Variants in KANK1 observed in about 807,000 individuals in gnomAD.
The protein encoded by KANK1 is KN motif and ankyrin repeat domains 1, also known as KN motif and ankyrin repeat domain-containing protein 1.
A neutral mutation model predicts 106.2 loss-of-function variants in KANK1; 109 were observed. The observed-to-expected ratio is 1.03, with a 90% CI of 0.88 to 1.20. The LOEUF is 1.20. KANK1 is among the 50% of genes most tolerant of loss of function. The pLI is 0.00. For missense variants in KANK1, 2,399 were observed against 1,710.7 expected, an observed-to-expected ratio of 1.40 and a Z score of -7.10; for synonymous variants, 873 against 652.2, an observed-to-expected ratio of 1.34 and a Z score of -5.16.
chr9:630,745 T>C (rs776950117), intron 1 of KANK1, among the ~76,000 whole-genome samples: 3 of 151,136 alleles, frequency 2.0e-5, no homozygotes, highest in Non-Finnish European at 2.9e-5. Context: ...CTACTAAAAA[T>C]ACAAAAATTT....
At chr9:703,197 G>C (rs1823127934) in intron 2 of KANK1, among the ~76,000 whole-genome samples, 1 of 151,816 alleles carries the variant, frequency 6.6e-6, no homozygotes, top group Admixed American at 6.6e-5. Flanking sequence ...TCACCATGTT[G>C]GCCAGGCTGG....
In KANK1 at chr9:573,334, A is replaced by G. The variant is rs533773842; in HGVS notation, c.-84+68580A>G. Among the ~76,000 whole-genome samples, 338 of 152,222 alleles carry G rather than the reference A, an allele frequency of 2.2e-3. 2 individuals are homozygous for G. The highest frequency in any genetic ancestry group is 3.4e-3 in the Non-Finnish European group (230 of 68,006). ...ACCCAGGCTGGAGTGCAGTGGCGCA[A>G]TCTTGGCTCACTGCAAGCTCCACCT... is the stretch of plus-strand genomic sequence containing the variant. On this transcript the variant is annotated intron_variant, in intron 1 of 11. Transcript: ENST00000382297.
intron 1 of KANK1, among the ~76,000 whole-genome samples, chr9:567,440 C>G (rs936966894): frequency 1.3e-5 from 2 of 152,300 alleles, no homozygotes; most frequent in African/African-American, 4.8e-5. Context: ...TAAAGTTAAA[C>G]TATAAACTAA....
rs1217866585 is a variant in KANK1, at chr9:567,961, G to GA, written c.-84+63208dup. ...GACAAAACTTACAGTCTTCCAAAGA[G>GA]AGAGTGCCAAAGTTCAACGCTTGGC... On this transcript the variant is annotated intron_variant, in intron 1 of 11. Coordinates refer to ENST00000382297, the MANE Select transcript of KANK1 (RefSeq NM_015158.5). 3.3e-5 allele frequency among the ~76,000 whole-genome samples: 5 copies of GA among 152,040 alleles called. No individual in the cohort carries two copies. The East Asian group carries it at 9.7e-4, about 29-fold the overall frequency.
At chr9:604,664 C>G (rs932521897) in intron 1 of KANK1, among the ~76,000 whole-genome samples, 1 of 151,692 alleles carries the variant, frequency 6.6e-6, no homozygotes, top group African/African-American at 2.4e-5. Flanking sequence ...AAACCTGTCT[C>G]TACTGAAAAA....
At chr9:493,690 G>A (rs890743607) in intron 3 of KANK1, among the ~76,000 whole-genome samples, 2 of 150,368 alleles carry the variant, frequency 1.3e-5, no homozygotes, top group African/African-American at 4.9e-5. Flanking sequence ...TGGGATTACA[G>A]CTACACACCA....
chr9:728,326 T>C (rs1255164233), intron 3 of KANK1, among the ~76,000 whole-genome samples: 2 of 152,092 alleles, frequency 1.3e-5, no homozygotes, highest in African/African-American at 4.8e-5. Context: ...GCCTCCCAAG[T>C]AGCTGGGACT....
At chr9:527,829 A>G (rs2059864147) in intron 1 of KANK1, among the ~76,000 whole-genome samples, 1 of 151,054 alleles carries the variant, frequency 6.6e-6, no homozygotes, top group Admixed American at 6.6e-5. Context: ...AAAAAAAAAA[A>G]TAGAGTTTCC....
chr9:736,308 A>T (rs1307497981), intron 7 of KANK1, among the ~76,000 whole-genome samples: 2 of 152,088 alleles, frequency 1.3e-5, no homozygotes, highest in Non-Finnish European at 1.5e-5. Context: ...GTTATACTGT[A>T]TTGTTTTGTA....
At chr9:679,987 G>T (rs1045849150) in intron 2 of KANK1, among the ~76,000 whole-genome samples, 21 of 152,166 alleles carry the variant, frequency 1.4e-4, no homozygotes, top group African/African-American at 5.1e-4. Context: ...ATAACATTTA[G>T]AGAACCTAGA....
chr9:527,388 G>C (rs181113109), intron 1 of KANK1, among the ~76,000 whole-genome samples: 2 of 151,624 alleles, frequency 1.3e-5, no homozygotes, highest in Non-Finnish European at 2.9e-5. Context: ...GGCAGCCTAC[G>C]CCACCCAGTT....
At chr9:670,089 A>G (rs1429215604) in intron 1 of KANK1, among the ~76,000 whole-genome samples, 1 of 151,992 alleles carries the variant, frequency 6.6e-6, no homozygotes, top group African/African-American at 2.4e-5. Context: ...TATCACTTCA[A>G]TCTCTGTTAA....
At chr9:737,630 A>G (rs1834150661) in intron 7 of KANK1, among the ~76,000 whole-genome samples, 1 of 152,198 alleles carries the variant, frequency 6.6e-6, no homozygotes, top group Non-Finnish European at 1.5e-5. Context: ...AATTAGTTCC[A>G]GACGGGGTTC....
At chr9:577,185 C>G (rs10122441) in intron 1 of KANK1, among the ~76,000 whole-genome samples, 38,523 of 152,124 alleles carry the variant, frequency 0.25, 5,088 homozygotes, top group Admixed American at 0.33. Context: ...AGCGGGTTGC[C>G]TCTGCTGGCT....
chr9:477,324 C>A (rs935761134), intron 3 of KANK1, among the ~76,000 whole-genome samples: 16 of 148,104 alleles, frequency 1.1e-4, no homozygotes, highest in African/African-American at 3.9e-4. Context: ...AAAAAAAGAT[C>A]TAGCTTTTGA....
Position 741,247 on chromosome 9 carries a change from GA to G in KANK1, c.3696+314del, listed in dbSNP as rs56880658. On this transcript the variant is annotated intron_variant, in intron 9 of 11. Coordinates refer to ENST00000382297, the MANE Select transcript of KANK1 (RefSeq NM_015158.5). ...TGCGCATCCCCATCAGATGCTCAGT[GA>G]CTGTTGCTTCCTGTCTCTGTGTTGT... Among the ~76,000 whole-genome samples the G allele has an allele frequency of 0.25, 38,427 of 151,962 alleles. 5,405 individuals carry two copies. The highest frequency in any genetic ancestry group is 0.35 in the Middle Eastern group (103 of 294).
intron 3 of KANK1, among the ~76,000 whole-genome samples, chr9:497,299 C>G (rs999932830): frequency 6.6e-6 from 1 of 152,186 alleles, no homozygotes; most frequent in Non-Finnish European, 1.5e-5. Flanking sequence ...CTTAGTAAAT[C>G]TCAAGCCTCC....
intron 1 of KANK1, among the ~76,000 whole-genome samples, chr9:507,226 G>C (rs1289294390): frequency 6.6e-6 from 1 of 151,364 alleles, no homozygotes; most frequent in Non-Finnish European, 1.5e-5. Flanking sequence ...GGTGGCACAT[G>C]CACCTGTAGT....
rs916851002 is a variant in KANK1, at chr9:745,233, T to G, written c.4057T>G (p.Ter1353GlyextTer13). The part of the protein sequence containing the change: ...PGPTHRGSFD[*>G] ...CCCCACCCACCGAGGTTCATTTGAT[T>G]GATTGTATGCAAATAGCCCTTTATT... Residue 1353 changes from the stop codon to glycine (G), a stop_lost, in exon 12 of 12, where the codon TGA (stop) becomes GGA (glycine). Coordinates refer to ENST00000382297, the MANE Select transcript of KANK1 (RefSeq NM_015158.5). The G allele has an allele frequency of 6.8e-6, 11 of 1,613,980 alleles. No homozygotes were observed. Among genetic ancestry groups the G allele is most frequent in the Non-Finnish European group, 8.5e-6 (10 of 1,179,992 alleles).
Sources: gnomAD v4.1 joint callset for allele counts (sites outside exome capture counted in the v4.1 genomes callset) on GRCh38, gnomAD v4.1.1 for gene constraint, MANE v1.5 for transcripts, NCBI Gene and HGNC (gene_info 2026-07-23, HGNC 2026-07-21) for gene names.